Variants in GYS1 observed in about 807,000 individuals in gnomAD.
GYS1 encodes glycogen synthase 1, also known as glycogen [starch] synthase, muscle.
In GYS1, 60 loss-of-function variants were observed where a neutral mutation model predicts 89.1. The ratio of observed to expected loss-of-function variants is 0.67; its 90% CI spans 0.55 to 0.84. The LOEUF (loss-of-function observed/expected upper bound fraction) is 0.84, where lower values mean the gene tolerates loss of function less well. Ranked by LOEUF, GYS1 falls within the 40% of genes least tolerant of loss-of-function variation. GYS1 has a pLI of 0.00. For synonymous variants in GYS1, 366 were observed against 401.7 expected, an observed-to-expected ratio of 0.91 and a Z score of 1.06; for missense variants, 888 against 1,003.1, an observed-to-expected ratio of 0.89 and a Z score of 1.55.
chr19:48,969,649 G>C, intron 15 of GYS1, 38 bp from the exon 16 acceptor site: 1 of 1,567,404 alleles, frequency 6.4e-7, no homozygotes, highest in Non-Finnish European at 8.6e-7. Flanking sequence ...AGGGTGAGCT[G>C]AGGACCTCAC....
rs891000189 is a variant in GYS1, at chr19:48,981,448, C to T, written c.1169+82G>A. 21 of 816,644 alleles carry T rather than the reference C, an allele frequency of 2.6e-5. No homozygotes were observed. The Admixed American group carries it at 3.6e-4, about 14-fold the overall frequency. The allele number at this position is 816,644 out of a possible 1,614,324, so 50.6% of individuals were successfully genotyped here. ...ACAAACAAACAAACAAAACAAAAAA[C>T]TGAGACTCTAGGAGAAACACAGGAC... On this transcript the variant is annotated intron_variant, in intron 8 of 15. Coordinates refer to ENST00000323798, the MANE Select transcript of GYS1 (RefSeq NM_002103.5).
Position 48,985,840 on chromosome 19 carries a change from C to T in GYS1, c.678+10G>A, listed in dbSNP as rs2038834158. The stretch of plus-strand genomic sequence containing the variant: ...CTCGCAGTCCCCCATCTGCCACGGT[C>T]CCAGCTCACGTTCTCCAGGTTGTTG... On this transcript the variant is annotated intron_variant, in intron 4 of 15. Coordinates refer to ENST00000323798, the MANE Select transcript of GYS1 (RefSeq NM_002103.5). The T allele has an allele frequency of 6.2e-7, 1 of 1,612,758 alleles. No individual in the cohort carries two copies. The highest frequency in any genetic ancestry group is 8.5e-7 in the Non-Finnish European group (1 of 1,179,900).
chr19:48,985,561 T>G lies in GYS1; in HGVS notation c.723A>C (p.Arg241=), dbSNP rs2122519130. 6.2e-7 allele frequency: 1 copy of G among 1,613,908 alleles called. No individual in the cohort carries two copies. Among genetic ancestry groups the G allele is most frequent in the Non-Finnish European group, 8.5e-7 (1 of 1,179,796 alleles). ...GGGCTGCCGCCCTTTCCATGCAGTA[T>G]CGGTGGTAGATCTGCCTCTCCCCTG... is the stretch of plus-strand genomic sequence containing the variant. ...KEAGERQIYH[R]YCMERAAAHC... The change falls in exon 5 of 16, where the codon CGA becomes CGC. Residue 241 remains arginine, a synonymous_variant. Coordinates refer to ENST00000323798, the MANE Select transcript of GYS1 (RefSeq NM_002103.5).
chr19:48,980,563 C>T lies in GYS1; in HGVS notation c.1169+967G>A, dbSNP rs373180167. On this transcript the variant is annotated intron_variant, in intron 8 of 15. Transcript: ENST00000323798. ...CTCTGCTAATGAATGAACGGTTTTA[C>T]AGATGAAGAAACTGAGCTTTGCTGG... 1.3e-4 allele frequency among the ~76,000 whole-genome samples: 20 copies of T among 151,110 alleles called. 1 individual carries two copies. The South Asian group carries it at 4.0e-3, about 30-fold the overall frequency.
Position 48,970,709 on chromosome 19 carries a change from C to G in GYS1, c.1646G>C (p.Gly549Ala). Residue 549 changes from glycine (G) to alanine (A), a missense_variant and splice_region_variant, in exon 14 of 16, where the codon GGT (glycine) becomes GCT (alanine). Gly to Ala is a moderately conservative substitution (Grantham distance 60, BLOSUM62 0). Coordinates refer to ENST00000323798, the MANE Select transcript of GYS1 (RefSeq NM_002103.5). ...GAACCGCCGGTCAAGAATGTAGATA[C>G]CTGTGGAGGCCAGGACCCAGGTTCA... ...EEHIADPSAY[G>A]IYILDRRFRS... 1 of 1,613,680 alleles carries G rather than the reference C, an allele frequency of 6.2e-7. No individual in the cohort carries two copies. Among genetic ancestry groups the G allele is most frequent in the Non-Finnish European group, 8.5e-7 (1 of 1,179,830 alleles).
rs2038766078 is a variant in GYS1, at chr19:48,981,656, G to C, written c.1063-20C>G. Reference sequence around the variant, plus strand: ...GTTCACCTGCGCAGAAAGAAAGGAGGGGGAGGCCAGGATCATGTGGGGGAA... The same window carrying C: ...GTTCACCTGCGCAGAAAGAAAGGAGCGGGAGGCCAGGATCATGTGGGGGAA... On this transcript the variant is annotated intron_variant, in intron 7 of 15. Transcript: ENST00000323798. 1.3e-6 allele frequency: 2 copies of C among 1,503,500 alleles called. No individual in the cohort carries two copies. The highest frequency in any genetic ancestry group is 2.7e-5 in the African/African-American group (2 of 72,858). The allele number at this position is 1,503,500 out of a possible 1,614,324, so 93.1% of individuals were successfully genotyped here.
At chr19:48,976,445 CG>C (rs1239170322) in intron 10 of GYS1, among the ~76,000 whole-genome samples, 8 of 152,010 alleles carry the variant, frequency 5.3e-5, no homozygotes, top group African/African-American at 1.9e-4. Context: ...AATAGAATGA[CG>C]GTAAGTTCTC....
At chr19:48,987,525 C>T (rs1182123782) in intron 2 of GYS1, 140 bp from the exon 3 acceptor site, 17 of 622,936 alleles carry the variant, frequency 2.7e-5, no homozygotes, top group Non-Finnish European at 4.1e-5. Context: ...TCCATATCTG[C>T]TGCTAATTTC....
intron 9 of GYS1, 29 bp downstream of exon 9, chr19:48,978,069 G>C: frequency 6.2e-7 from 1 of 1,610,578 alleles, no homozygotes; most frequent in Non-Finnish European, 8.5e-7. Context: ...GGGCCTAGGA[G>C]GGCACAGGGC....
chr19:48,975,770 A>G (rs1484191775), intron 10 of GYS1, among the ~76,000 whole-genome samples: 2 of 151,932 alleles, frequency 1.3e-5, no homozygotes, highest in Non-Finnish European at 2.9e-5. Context: ...TACTAAAAAT[A>G]CAAAAAATTA....
At chr19:48,989,481 GAA>G (rs35555946) in intron 2 of GYS1, among the ~76,000 whole-genome samples, 7 of 127,854 alleles carry the variant, frequency 5.5e-5, no homozygotes, top group Admixed American at 8.1e-5. Context: ...GATTCTATCT[GAA>G]AAAAAAAAAA....
At chr19:48,979,646 C>CTTTTTTTT (rs56291141) in intron 8 of GYS1, among the ~76,000 whole-genome samples, 4 of 114,958 alleles carry the variant, frequency 3.5e-5, no homozygotes, top group East Asian at 2.5e-4. Flanking sequence ...CTCTTTCTTT[C>CTTTTTTTT]TTTTTTTTTT....
intron 1 of GYS1, among the ~76,000 whole-genome samples, chr19:48,992,478 C>T (rs1160122246): frequency 4.1e-5 from 1 of 24,276 alleles, no homozygotes; most frequent in East Asian, 4.1e-4. Context: ...CCTTCAAAGC[C>T]CAGGCATTCA....
chr19:48,970,808 G>A, intron 13 of GYS1, 99 bp from the exon 14 acceptor site: 2 of 1,421,666 alleles, frequency 1.4e-6, no homozygotes, highest in Non-Finnish European at 9.9e-7. Context: ...CCAGCGGCCC[G>A]AGAGCCCCCC....
At chr19:48,976,038 T>G (rs1336148273) in intron 10 of GYS1, among the ~76,000 whole-genome samples, 1 of 151,942 alleles carries the variant, frequency 6.6e-6, no homozygotes, top group Non-Finnish European at 1.5e-5. Flanking sequence ...TAGGAAGTCC[T>G]GAGGACTGCT....
Position 48,991,396 on chromosome 19 carries a change from G to C in GYS1, c.206C>G (p.Thr69Arg), listed in dbSNP as rs760809851. ...CACCTGGGTCCTCACGCCCTGCTCCGTGTACGGCCCCACCAGGAAGTAGTT... is the reference window on the plus strand; with the variant it reads ...CACCTGGGTCCTCACGCCCTGCTCCCTGTACGGCCCCACCAGGAAGTAGTT... Reference protein sequence around the residue: ...GDNYFLVGPYTEQGVRTQVEL... With the variant: ...GDNYFLVGPYREQGVRTQVEL... Residue 69 changes from threonine (T) to arginine (R), a missense_variant, in exon 2 of 16, where the codon ACG (threonine) becomes AGG (arginine). By Grantham distance (71) the Thr-to-Arg change is moderately conservative (BLOSUM62 -1). Transcript: ENST00000323798. The surrounding 1 kb of genome is among the most constrained non-coding windows in gnomAD (Gnocchi z 4.7). 1 of 1,614,132 alleles carries C rather than the reference G, an allele frequency of 6.2e-7. No homozygotes were observed. Among genetic ancestry groups the C allele is most frequent in the Non-Finnish European group, 8.5e-7 (1 of 1,180,036 alleles).
chr19:48,970,419 G>A (rs748854005), intron 14 of GYS1, 127 bp downstream of exon 14: 17 of 798,412 alleles, frequency 2.1e-5, no homozygotes, highest in Non-Finnish European at 3.4e-5. Flanking sequence ...CATCGCGATC[G>A]GCCTGGTTCA....
chr19:48,982,167 A>C (rs1010852834), intron 7 of GYS1, 88 bp downstream of exon 7: 1 of 1,376,102 alleles, frequency 7.3e-7, no homozygotes, highest in Non-Finnish European at 1.0e-6. Context: ...TGTTGGGATT[A>C]CAGGTGTGAG....
Position 48,970,599 on chromosome 19 carries a change from G to T in GYS1, c.1756C>A (p.Arg586=). ...TCGGAGAGGCGCTCCGTGCGGTTCC[G>T]CTGGATGATACGCTGCCGCCGGCTC... ...QQSRRQRIIQ[R]NRTERLSDLL... Residue 586 remains arginine (R), a synonymous_variant, in exon 14 of 16, where the codon CGG becomes AGG. Transcript: ENST00000323798. 5 of 1,613,772 alleles carry T rather than the reference G, an allele frequency of 3.1e-6. No individual in the cohort carries two copies. The highest frequency in any genetic ancestry group is 4.2e-6 in the Non-Finnish European group (5 of 1,179,900).
Sources: gnomAD v4.1 joint callset for allele counts (sites outside exome capture counted in the v4.1 genomes callset) on GRCh38, gnomAD v4.1.1 for gene constraint, Gnocchi (gnomAD v3.1) non-coding constraint, MANE v1.5 for transcripts, NCBI Gene and HGNC (gene_info 2026-07-23, HGNC 2026-07-21) for gene names.